Variants in ADGRB3 observed in about 807,000 individuals in gnomAD.
ADGRB3 encodes brain-specific angiogenesis inhibitor 3.
In ADGRB3, 37 loss-of-function variants were observed where a neutral mutation model predicts 193.4. The observed-to-expected ratio is 0.19, with a 90% CI of 0.15 to 0.25. The LOEUF (loss-of-function observed/expected upper bound fraction) is 0.25. ADGRB3 is among the 10% of genes least tolerant of loss of function. The pLI is 1.00. For synonymous variants in ADGRB3, 690 were observed against 644.2 expected, an observed-to-expected ratio of 1.07 and a Z score of -1.08; for missense variants, 1,637 against 1,852.9, an observed-to-expected ratio of 0.88 and a Z score of 2.14.
At chr6:69,099,712 A>T (rs1425971533) in intron 17 of ADGRB3, among the ~76,000 whole-genome samples, 1 of 152,214 alleles carries the variant, frequency 6.6e-6, no homozygotes, top group Non-Finnish European at 1.5e-5. Context: ...AGATGAAAAC[A>T]GACTTCCTTC....
At chr6:69,231,063 G>C (rs16900583) in intron 17 of ADGRB3, among the ~76,000 whole-genome samples, 2 of 152,020 alleles carry the variant, frequency 1.3e-5, no homozygotes, top group Admixed American at 6.6e-5. Context: ...CATGAACATC[G>C]GCGTTACTTA....
rs1157997284 is a variant in ADGRB3, at chr6:68,940,852, A to G, written c.1031-2978A>G. ...GATTGCAGTGAGCCGAGATCGTGCC[A>G]CTGCACTCCAGCCTGGGCGAGAGTG... On this transcript the variant is annotated intron_variant, in intron 5 of 31. Coordinates refer to ENST00000370598, the MANE Select transcript of ADGRB3 (RefSeq NM_001704.3). Among the ~76,000 whole-genome samples the G allele has an allele frequency of 5.3e-5, 8 of 152,276 alleles. 1 individual carries two copies. In the South Asian group the frequency reaches 1.7e-3, roughly 32 times the overall value.
At position 68,914,909 on chromosome 6, in the gene ADGRB3, A is replaced by G. The variant is rs565787102; in HGVS notation, c.758-15650A>G. Among the ~76,000 whole-genome samples the G allele has an allele frequency of 1.3e-3, 191 of 152,324 alleles. 1 individual carries two copies. Among genetic ancestry groups the G allele is most frequent in the Non-Finnish European group, 2.4e-3 (162 of 68,028 alleles). ...ATCTAGCATATTTTGCTTCCCATAG[A>G]GTATCAAATAAAATCTACAAAACAG... On this transcript the variant is annotated intron_variant, in intron 3 of 31. Coordinates refer to ENST00000370598, the MANE Select transcript of ADGRB3 (RefSeq NM_001704.3).
chr6:69,224,278 C>T (rs757150000), intron 17 of ADGRB3, among the ~76,000 whole-genome samples: 8 of 151,924 alleles, frequency 5.3e-5, no homozygotes, highest in Non-Finnish European at 1.0e-4. Flanking sequence ...TACAATGGTC[C>T]GGTCAAATCT....
intron 20 of ADGRB3, among the ~76,000 whole-genome samples, chr6:69,312,656 G>A (rs1254937387): frequency 2.0e-5 from 3 of 151,610 alleles, no homozygotes; most frequent in Non-Finnish European, 4.4e-5. Context: ...CCTTCTTCCT[G>A]CACCCCACCA....
chr6:69,148,263 A>G (rs1183833715), intron 17 of ADGRB3, among the ~76,000 whole-genome samples: 1 of 152,004 alleles, frequency 6.6e-6, no homozygotes, highest in Admixed American at 6.6e-5. Flanking sequence ...ATGGTATTTT[A>G]AAATGTATTA....
chr6:68,940,951 G>A (rs905514733), intron 5 of ADGRB3, among the ~76,000 whole-genome samples: 2 of 151,978 alleles, frequency 1.3e-5, no homozygotes, highest in African/African-American at 2.4e-5. Flanking sequence ...TCTAAATCAC[G>A]AGAAAATTTA....
intron 17 of ADGRB3, chr6:69,232,732 C>T (rs1766170785): frequency 9.9e-7 from 1 of 1,006,976 alleles, no homozygotes; most frequent in Non-Finnish European, 1.5e-6. Flanking sequence ...GAAATTTTCA[C>T]AGCAGCTATT....
chr6:68,967,439 A>G (rs909563007), intron 8 of ADGRB3, among the ~76,000 whole-genome samples: 11 of 152,116 alleles, frequency 7.2e-5, no homozygotes. Flanking sequence ...ATGGTCCTAT[A>G]GGATCTTAGT....
intron 17 of ADGRB3, among the ~76,000 whole-genome samples, chr6:69,209,873 C>T (rs1765619023): frequency 6.6e-6 from 1 of 151,926 alleles, no homozygotes; most frequent in African/African-American, 2.4e-5. Context: ...ATTTATTTTG[C>T]ATAACTCTCT....
At chr6:68,763,943 T>G (rs764143230) in intron 3 of ADGRB3, among the ~76,000 whole-genome samples, 2 of 151,854 alleles carry the variant, frequency 1.3e-5, no homozygotes, top group Non-Finnish European at 2.9e-5. Context: ...TGTGTTGGAG[T>G]GTGTCTGTAG....
intron 3 of ADGRB3, among the ~76,000 whole-genome samples, chr6:68,821,863 T>TA (rs139217099): frequency 0.011 from 1,694 of 152,106 alleles, 31 homozygotes; most frequent in African/African-American, 0.038. Context: ...AATATAATAC[T>TA]ACTTAAAATG....
intron 8 of ADGRB3, among the ~76,000 whole-genome samples, chr6:68,967,372 G>A (rs1394442977): frequency 6.6e-6 from 1 of 152,184 alleles, no homozygotes; most frequent in Non-Finnish European, 1.5e-5. Flanking sequence ...TATTTAATCA[G>A]CTTCTTCCTG....
intron 3 of ADGRB3, among the ~76,000 whole-genome samples, chr6:68,681,583 T>C (rs941928651): frequency 6.6e-6 from 1 of 152,176 alleles, no homozygotes; most frequent in African/African-American, 2.4e-5. Context: ...CCTGGCTCCA[T>C]TGTGCCACTT....
intron 19 of ADGRB3, among the ~76,000 whole-genome samples, chr6:69,237,996 A>G (rs2127259789): frequency 6.6e-6 from 1 of 151,476 alleles, no homozygotes; most frequent in East Asian, 1.9e-4. Context: ...TATTACAAAA[A>G]CTCCTTTGTG....
chr6:68,952,806 C>T (rs1767970147), intron 6 of ADGRB3, among the ~76,000 whole-genome samples: 2 of 152,144 alleles, frequency 1.3e-5, no homozygotes, highest in African/African-American at 4.8e-5. Flanking sequence ...AAACTGACCC[C>T]ATCTAAAATA....
intron 17 of ADGRB3, among the ~76,000 whole-genome samples, chr6:69,076,249 T>G (rs1421230149): frequency 1.3e-5 from 2 of 152,098 alleles, no homozygotes; most frequent in Non-Finnish European, 2.9e-5. Context: ...TAGTATTGCA[T>G]TACCTACTGT....
chr6:69,338,858 T>A, intron 24 of ADGRB3, 58 bp from the exon 25 acceptor site: 1 of 1,503,164 alleles, frequency 6.7e-7, no homozygotes, highest in Non-Finnish European at 9.1e-7. Flanking sequence ...AGCAGCAATT[T>A]TTTTTTGGTG....
chr6:69,388,896 A>C lies in ADGRB3; in HGVS notation c.*5A>C, dbSNP rs761920954. The C allele has an allele frequency of 1.9e-6, 3 of 1,609,018 alleles. No individual in the cohort carries two copies. The highest frequency in any genetic ancestry group is 2.7e-5 in the African/African-American group (2 of 74,636). ...GACTTTCAAACAGAAGTTTAAAAAA[A>C]TCAAAATGGACTAAGGTAGAGACAA... On this transcript the variant is annotated 3_prime_UTR_variant, in exon 32 of 32. Transcript: ENST00000370598.
Sources: gnomAD v4.1 joint callset for allele counts (sites outside exome capture counted in the v4.1 genomes callset) on GRCh38, gnomAD v4.1.1 for gene constraint, MANE v1.5 for transcripts, NCBI Gene and HGNC (gene_info 2026-07-23, HGNC 2026-07-21) for gene names.